The following INTS1 variants were observed in gnomAD, a reference collection of about 807,000 sequenced individuals.
INTS1 encodes integrator complex subunit 1.
In INTS1, 137 loss-of-function variants were observed where a neutral mutation model predicts 241.6. The observed-to-expected ratio is 0.57, with a 90% CI of 0.49 to 0.65. The LOEUF (loss-of-function observed/expected upper bound fraction) is 0.65, where lower values mean the gene tolerates loss of function less well. Ranked by LOEUF, INTS1 falls within the 30% of genes least tolerant of loss-of-function variation. INTS1 has a pLI of 0.00. For missense variants in INTS1, 3,073 were observed against 3,032.2 expected, an observed-to-expected ratio of 1.01 and a Z score of -0.32; for synonymous variants, 1,692 against 1,337.8, an observed-to-expected ratio of 1.26 and a Z score of -5.78.
chr7:1,489,183 G>A (rs1782426515), intron 18 of INTS1, among the ~76,000 whole-genome samples, 161 bp downstream of exon 18: 1 of 152,208 alleles, frequency 6.6e-6, no homozygotes, highest in South Asian at 2.1e-4. Flanking sequence ...AGAACAAAGT[G>A]CAGCAGGCTT....
Position 1,480,378 on chromosome 7 carries a change from C to G in INTS1, c.4013G>C (p.Arg1338Pro). 1 of 1,612,646 alleles carries G rather than the reference C, an allele frequency of 6.2e-7. No individual in the cohort carries two copies. The highest frequency in any genetic ancestry group is 8.5e-7 in the Non-Finnish European group (1 of 1,179,606). Residue 1338 changes from arginine to proline, a missense_variant, in exon 30 of 48, where the codon CGG (arginine) becomes CCG (proline). Arg to Pro is a moderately radical substitution (Grantham distance 103). Transcript: ENST00000404767. ...PEQPIGQGRI[R>P]VGTQLRVLGP... is the part of the protein sequence containing the mutation. ...CAGCACCCGGAGCTGGGTCCCCACC[C>G]GAATCCGGCCCTGGCCTATGGGCTG...
intron 2 of INTS1, 39 bp downstream of exon 2, chr7:1,503,864 C>CAAAGACCCCT: frequency 6.6e-7 from 1 of 1,516,112 alleles, no homozygotes; most frequent in Non-Finnish European, 9.0e-7. Flanking sequence ...CAAAGACCCC[C>CAAAGACCCCT]AAAGACCCCC....
At position 1,493,769 on chromosome 7, in the gene INTS1, C is replaced by A; in HGVS notation, c.2053G>T (p.Ala685Ser). The A allele has an allele frequency of 1.3e-6, 2 of 1,578,716 alleles. No homozygotes were observed. The highest frequency in any genetic ancestry group is 1.7e-6 in the Non-Finnish European group (2 of 1,163,790). ...LADHLVKRAA[A>S]VQADDVEVLK... ...GAAGCCATACCATCCGCCTGCACGG[C>A]AGCCGCCCGCTTCACCAGGTGGTCA... The change falls in exon 15 of 48, where the codon GCC becomes TCC. Residue 685 changes from alanine (A) to serine (S), a missense_variant. Transcript: ENST00000404767. This position sits in a 1 kb window ranked among gnomAD's most constrained non-coding sequence, Gnocchi z 5.3.
chr7:1,503,412 C>T (rs957192266), intron 2 of INTS1, among the ~76,000 whole-genome samples: 4 of 152,192 alleles, frequency 2.6e-5, no homozygotes, highest in African/African-American at 7.2e-5. Flanking sequence ...ACCAGGCCAT[C>T]TCTGGTCTAT....
intron 17 of INTS1, 76 bp downstream of exon 17, chr7:1,489,515 C>T (rs1782447574): frequency 3.9e-6 from 6 of 1,530,374 alleles, no homozygotes; most frequent in Non-Finnish European, 5.3e-6. Flanking sequence ...TCCCAAGTCC[C>T]AACAGACAAA....
chr7:1,504,344 G>GCGC lies in INTS1; in HGVS notation c.-66_-64dup, dbSNP rs769212671. On this transcript the variant is annotated 5_prime_UTR_variant, in exon 1 of 48. Coordinates refer to ENST00000404767, the MANE Select transcript of INTS1 (RefSeq NM_001080453.3). ...TTACCTCTGGCCCATCGCGACCGGA[G>GCGC]CGCCGCCGCCGCCACCCGGCCACCC... The GCGC allele has an allele frequency of 7.8e-6, 4 of 515,632 alleles. No homozygotes were observed. The highest frequency in any genetic ancestry group is 1.5e-5 in the South Asian group (1 of 65,068). The allele number at this position is 515,632 out of a possible 1,614,324, so 31.9% of individuals were successfully genotyped here. A position where few individuals can be genotyped will look rare whatever the true frequency, so the allele number is the denominator to read the frequency against.
intron 16 of INTS1, 103 bp downstream of exon 16, chr7:1,492,907 C>G (rs1782644046): frequency 1.5e-6 from 1 of 661,738 alleles, no homozygotes; most frequent in East Asian, 3.1e-5. Context: ...CGCAGGCTTA[C>G]CCGGGCGGGA....
intron 7 of INTS1, 29 bp downstream of exon 7, chr7:1,499,226 C>G: frequency 6.2e-7 from 1 of 1,607,594 alleles, no homozygotes; most frequent in South Asian, 1.1e-5. Context: ...CCGCCGCCCC[C>G]AACTGGGACC....
intron 39 of INTS1, 146 bp downstream of exon 39, chr7:1,475,802 C>CCCACAGGG (rs1415927496): frequency 2.9e-6 from 3 of 1,041,936 alleles, no homozygotes; most frequent in African/African-American, 3.2e-5. Flanking sequence ...CGCAGACAAA[C>CCCACAGGG]CCACAGGGCC....
At chr7:1,500,468 C>A in intron 3 of INTS1, 102 bp from the exon 4 acceptor site, 1 of 1,294,128 alleles carries the variant, frequency 7.7e-7, no homozygotes, top group South Asian at 1.6e-5. Context: ...CTCTCAGGGT[C>A]GGCCCTGCCA....
At chr7:1,477,198 G>A (rs1491003004) in intron 35 of INTS1, among the ~76,000 whole-genome samples, 1 of 152,222 alleles carries the variant, frequency 6.6e-6, no homozygotes, top group African/African-American at 2.4e-5. Flanking sequence ...GGGGAGCCCA[G>A]CACCTGCCCT....
intron 16 of INTS1, among the ~76,000 whole-genome samples, chr7:1,492,039 G>GACGCAAGCGGGA (rs1023294036): frequency 1.2e-4 from 19 of 152,338 alleles, no homozygotes; most frequent in Non-Finnish European, 2.4e-4. Context: ...CGCTGGCGGG[G>GACGCAAGCGGGA]ACGCAAGCGG....
intron 3 of INTS1, among the ~76,000 whole-genome samples, chr7:1,502,381 G>A (rs1176121808): frequency 2.6e-5 from 4 of 152,170 alleles, no homozygotes; most frequent in East Asian, 3.8e-4. Flanking sequence ...ATTTCTGCGA[G>A]AACGGGACAG....
Position 1,489,676 on chromosome 7 carries a change from C to T in INTS1, c.2172G>A (p.Gln724=), listed in dbSNP as rs1046194117. 1.3e-6 allele frequency: 2 copies of T among 1,545,982 alleles called. No individual in the cohort carries two copies. Among genetic ancestry groups the T allele is most frequent in the Non-Finnish European group, 1.7e-6 (2 of 1,144,660 alleles). Residue 724 remains glutamine (Q), a synonymous_variant, in exon 17 of 48, where the codon CAG becomes CAA. Transcript: ENST00000404767. The part of the protein sequence containing the change: ...PENIQLPPGY[Q]PPNLAISTLY... ...GGGTAGAGATGGCGAGGTTCGGAGG[C>T]TGGTACCTGGAAGGCAGGGGCGCCC...
Position 1,470,481 on chromosome 7 carries a change from G to C in INTS1, c.*96C>G, listed in dbSNP as rs1364099441. The stretch of plus-strand genomic sequence containing the variant: ...AGGGCTCGGCGCCCTCACCTCCTCG[G>C]ACAGACCAGCAACGCCCACGCTTCC... On this transcript the variant is annotated 3_prime_UTR_variant, in exon 48 of 48. Transcript: ENST00000404767. 1.0e-6 allele frequency: 1 copy of C among 988,382 alleles called. No homozygotes were observed. Among genetic ancestry groups the C allele is most frequent in the Non-Finnish European group, 1.5e-6 (1 of 686,070 alleles). 61.2% of individuals were successfully genotyped at this position (988,382 alleles called of 1,614,324 possible). A position where few individuals can be genotyped will look rare whatever the true frequency, so the allele number is the denominator to read the frequency against.
intron 11 of INTS1, among the ~76,000 whole-genome samples, chr7:1,496,578 A>C (rs1230343908): frequency 3.9e-5 from 6 of 152,106 alleles, no homozygotes; most frequent in Admixed American, 1.3e-4. Context: ...ATCCAGAGAG[A>C]GAGCCCAGGA....
chr7:1,493,689 CG>C lies in INTS1; in HGVS notation c.2068+64del, dbSNP rs1251471476. ...GCGCCCCAGAGGTGCGTGCCAGAGC[CG>C]GGGTTTCTGCAGGGACGAGGGGAGC... On this transcript the variant is annotated intron_variant, in intron 15 of 47. Transcript: ENST00000404767. The surrounding 1 kb of genome is among the most constrained non-coding windows in gnomAD (Gnocchi z 5.3). 5 of 1,498,914 alleles carry C rather than the reference CG, an allele frequency of 3.3e-6. No homozygotes were observed. The highest frequency in any genetic ancestry group is 4.5e-6 in the Non-Finnish European group (5 of 1,118,568). 92.9% of individuals were successfully genotyped at this position (1,498,914 alleles called of 1,614,324 possible). A position where few individuals can be genotyped will look rare whatever the true frequency, so the allele number is the denominator to read the frequency against.
At chr7:1,479,003 C>G (rs1048611189) in intron 31 of INTS1, 118 bp from the exon 32 acceptor site, 2 of 1,129,276 alleles carry the variant, frequency 1.8e-6, no homozygotes, top group South Asian at 1.6e-5. Flanking sequence ...GCACTTGGAG[C>G]CTGGGCCAAC....
At chr7:1,492,909 C>T (rs1407218479) in intron 16 of INTS1, 101 bp downstream of exon 16, 14 of 657,854 alleles carry the variant, frequency 2.1e-5, no homozygotes, top group East Asian at 6.3e-5. Context: ...CAGGCTTACC[C>T]GGGCGGGAGT....
Sources: gnomAD v4.1 joint callset for allele counts (sites outside exome capture counted in the v4.1 genomes callset) on GRCh38, gnomAD v4.1.1 for gene constraint, Gnocchi (gnomAD v3.1) non-coding constraint, MANE v1.5 for transcripts, NCBI Gene and HGNC (gene_info 2026-07-23, HGNC 2026-07-21) for gene names.